PELI3: variants seen among roughly 807,000 people sequenced by gnomAD.
The protein encoded by PELI3 is pellino E3 ubiquitin protein ligase family member 3, also known as E3 ubiquitin-protein ligase pellino homolog 3.
Under a neutral mutation model 35.5 loss-of-function variants are expected in PELI3, and 19 were observed. That is an observed-to-expected ratio of 0.54 (90% CI 0.37 to 0.79). PELI3 has a LOEUF of 0.79. PELI3 is among the 30% of genes least tolerant of loss of function. PELI3 has a pLI of 0.00. For missense variants in PELI3, 490 were observed against 661.2 expected (o/e 0.74, Z 2.84); for synonymous variants, 262 against 279.2 (o/e 0.94, Z 0.62).
chr11:66,473,208 T>C lies in PELI3; in HGVS notation c.457-33T>C. ...GGCCCATGAGAGTCCCCTATGTACATACAGTCCCTGCTTGCTCTCCCTGTC... is the reference window on the plus strand; with the variant it reads ...GGCCCATGAGAGTCCCCTATGTACACACAGTCCCTGCTTGCTCTCCCTGTC... On this transcript the variant is annotated intron_variant, in intron 5 of 7. Coordinates refer to ENST00000320740, the MANE Select transcript of PELI3 (RefSeq NM_145065.3). This position sits in a 1 kb window ranked among gnomAD's most constrained non-coding sequence, Gnocchi z 5.8. 6.4e-7 allele frequency: 1 copy of C among 1,573,720 alleles called. No individual in the cohort carries two copies. The highest frequency in any genetic ancestry group is 8.6e-7 in the Non-Finnish European group (1 of 1,156,326).
chr11:66,473,258 G>C lies in PELI3; in HGVS notation c.474G>C (p.Glu158Asp). Residue 158 changes from glutamate (E) to aspartate (D), a missense_variant, in exon 6 of 8, where the codon GAG (glutamate) becomes GAC (aspartate). Transcript: ENST00000320740. This position sits in a 1 kb window ranked among gnomAD's most constrained non-coding sequence, Gnocchi z 5.8. ...TDMFQIGRST[E>D]NMIDFVVTDT... ...CCTCACAGATTGGCCGCTCCACAGA[G>C]AACATGATTGACTTCGTGGTAACAG... 1 of 1,612,366 alleles carries C rather than the reference G, an allele frequency of 6.2e-7. No homozygotes were observed. The highest frequency in any genetic ancestry group is 8.5e-7 in the Non-Finnish European group (1 of 1,179,298).
In PELI3 at chr11:66,476,254, A is replaced by G. The variant is rs1232049714; in HGVS notation, c.*87A>G. 6.0e-6 allele frequency: 8 copies of G among 1,342,216 alleles called. No homozygotes were observed. Among genetic ancestry groups the G allele is most frequent in the Non-Finnish European group, 7.0e-6 (7 of 1,000,046 alleles). The allele number at this position is 1,342,216 out of a possible 1,614,324, so 83.1% of individuals were successfully genotyped here. Reference sequence around the variant, plus strand: ...CCAGAGGGAGCTCTGCATGTGGGACACTCCCTGCTGGCACAGCCACACCAG... The same window carrying G: ...CCAGAGGGAGCTCTGCATGTGGGACGCTCCCTGCTGGCACAGCCACACCAG... On this transcript the variant is annotated 3_prime_UTR_variant, in exon 8 of 8. Transcript: ENST00000320740.
At chr11:66,471,814 T>G (rs1854728724) in intron 4 of PELI3, among the ~76,000 whole-genome samples, 1 of 152,090 alleles carries the variant, frequency 6.6e-6, no homozygotes, top group Non-Finnish European at 1.5e-5. Context: ...TTAGGCCAGT[T>G]TCTCTCTGAC....
chr11:66,469,011 C>A, intron 3 of PELI3, 107 bp downstream of exon 3: 1 of 563,054 alleles, frequency 1.8e-6, no homozygotes, highest in South Asian at 2.0e-5. Flanking sequence ...AAAGCCAAGG[C>A]CAGGAGAGAG....
In PELI3 at chr11:66,473,577, G is replaced by T; in HGVS notation, c.651+142G>T. ...CAGTTAGCAACCCCACCTAACTGAT[G>T]AGCAAAGTGAGGCCCAGAGAGACGC... is the stretch of plus-strand genomic sequence containing the variant. On this transcript the variant is annotated intron_variant, in intron 6 of 7. Transcript: ENST00000320740. This position sits in a 1 kb window ranked among gnomAD's most constrained non-coding sequence, Gnocchi z 5.8. 7.7e-7 allele frequency: 1 copy of T among 1,305,692 alleles called. No individual in the cohort carries two copies. The highest frequency in any genetic ancestry group is 1.4e-5 in the South Asian group (1 of 70,458). 80.9% of individuals were successfully genotyped at this position (1,305,692 alleles called of 1,614,324 possible).
Position 66,468,272 on chromosome 11 carries a change from C to T in PELI3, c.144C>T (p.Ile48=). Residue 48 remains isoleucine (I), a synonymous_variant, in exon 2 of 8, where the codon ATC becomes ATT. Coordinates refer to ENST00000320740, the MANE Select transcript of PELI3 (RefSeq NM_145065.3). The part of the protein sequence containing the change: ...GEEPIKYGEL[I]VLGCCEEGGE... ...AGCCCATCAAGTATGGTGAACTCAT[C>T]GTCCTGGGGTGAGCATCCCTGGCCT... 3 of 1,511,298 alleles carry T rather than the reference C, an allele frequency of 2.0e-6. No homozygotes were observed. The highest frequency in any genetic ancestry group is 2.5e-5 in the East Asian group (1 of 39,386). The allele number at this position is 1,511,298 out of a possible 1,614,324, so 93.6% of individuals were successfully genotyped here.
Position 66,473,070 on chromosome 11 carries a change from A to C in PELI3, c.457-171A>C, listed in dbSNP as rs1590720272. On this transcript the variant is annotated intron_variant, in intron 5 of 7. Transcript: ENST00000320740. This position sits in a 1 kb window ranked among gnomAD's most constrained non-coding sequence, Gnocchi z 5.8. ...ACGGCTTCTTGGACTTGGAGACCCC[A>C]CCTGGGAGCCTAGAGGGCCTATGGA... Among the ~76,000 whole-genome samples the C allele has an allele frequency of 6.6e-6, 1 of 152,086 alleles. No individual in the cohort carries two copies. Among genetic ancestry groups the C allele is most frequent in the Non-Finnish European group, 1.5e-5 (1 of 67,974 alleles).
At position 66,476,277 on chromosome 11, in the gene PELI3, C is replaced by T; in HGVS notation, c.*110C>T. 4 of 1,193,940 alleles carry T rather than the reference C, an allele frequency of 3.4e-6. No individual in the cohort carries two copies. Among genetic ancestry groups the T allele is most frequent in the Non-Finnish European group, 3.4e-6 (3 of 873,250 alleles). The allele number at this position is 1,193,940 out of a possible 1,614,324, so 74.0% of individuals were successfully genotyped here. On this transcript the variant is annotated 3_prime_UTR_variant, in exon 8 of 8. Transcript: ENST00000320740. ...ACACTCCCTGCTGGCACAGCCACAC[C>T]AGATGGACATGTTGGATGGGCTGTG...
chr11:66,470,628 G>C (rs1306706922), intron 3 of PELI3, among the ~76,000 whole-genome samples: 1 of 152,228 alleles, frequency 6.6e-6, no homozygotes, highest in African/African-American at 2.4e-5. Flanking sequence ...CCAGACAAGA[G>C]CTGGAAAGGC....
Position 66,473,099 on chromosome 11 carries a change from G to T in PELI3, c.457-142G>T, listed in dbSNP as rs1854776685. On this transcript the variant is annotated intron_variant, in intron 5 of 7. Coordinates refer to ENST00000320740, the MANE Select transcript of PELI3 (RefSeq NM_145065.3). The surrounding 1 kb of genome is among the most constrained non-coding windows in gnomAD (Gnocchi z 5.8). Reference sequence around the variant, plus strand: ...GGGAGCCTAGAGGGCCTATGGAGTTGGTGCTGCCCCTTCTCCAGGGCCTGG... The same window carrying T: ...GGGAGCCTAGAGGGCCTATGGAGTTTGTGCTGCCCCTTCTCCAGGGCCTGG... The T allele has an allele frequency of 7.9e-6, 6 of 757,466 alleles. No individual in the cohort carries two copies. In the East Asian group the frequency reaches 1.4e-4, roughly 18 times the overall value. 46.9% of individuals were successfully genotyped at this position (757,466 alleles called of 1,614,324 possible).
intron 4 of PELI3, among the ~76,000 whole-genome samples, chr11:66,471,616 C>G (rs1171688696): frequency 2.0e-5 from 3 of 151,958 alleles, no homozygotes; most frequent in African/African-American, 7.2e-5. Context: ...TTGGCTGCCT[C>G]TAAGATGGTG....
chr11:66,476,983 A>G lies in PELI3; in HGVS notation c.*816A>G, dbSNP rs3179961. The G allele has an allele frequency of 0.24, 36,061 of 152,180 alleles. 4,544 individuals are homozygous for G. Among genetic ancestry groups the G allele is most frequent in the East Asian group, 0.26 (1,340 of 5,174 alleles). The allele number at this position is 152,180 out of a possible 1,614,324, so 9.4% of individuals were successfully genotyped here. On this transcript the variant is annotated 3_prime_UTR_variant, in exon 8 of 8. Coordinates refer to ENST00000320740, the MANE Select transcript of PELI3 (RefSeq NM_145065.3). ...CCTCCGAGTCCACAAGATGGGAAGC[A>G]AGTCCACAAGATGGGAAGCGTGCTC... is the stretch of plus-strand genomic sequence containing the variant.
chr11:66,474,043 G>T (rs1356354240), intron 7 of PELI3, 118 bp downstream of exon 7: 26 of 1,338,448 alleles, frequency 1.9e-5, no homozygotes, highest in Non-Finnish European at 2.5e-5. Context: ...GCCCCAACAG[G>T]CTCCATATCA....
chr11:66,471,117 CTTGT>C lies in PELI3; in HGVS notation c.225-122_225-119del, dbSNP rs1233219350. On this transcript the variant is annotated intron_variant, in intron 3 of 7. Coordinates refer to ENST00000320740, the MANE Select transcript of PELI3 (RefSeq NM_145065.3). ...CTTCTAGTTTCAGGTGCTTGTAGAGCTTGTTTATTAAGGTAGGATCTGCCTAGAA... is the reference window on the plus strand; with the variant it reads ...CTTCTAGTTTCAGGTGCTTGTAGAGCTTATTAAGGTAGGATCTGCCTAGAA... 3 of 1,276,882 alleles carry C rather than the reference CTTGT, an allele frequency of 2.3e-6. No individual in the cohort carries two copies. In the East Asian group the frequency reaches 7.1e-5, roughly 30 times the overall value. The allele number at this position is 1,276,882 out of a possible 1,614,324, so 79.1% of individuals were successfully genotyped here.
Position 66,476,466 on chromosome 11 carries a change from G to T in PELI3, c.*299G>T. On this transcript the variant is annotated 3_prime_UTR_variant, in exon 8 of 8. Coordinates refer to ENST00000320740, the MANE Select transcript of PELI3 (RefSeq NM_145065.3). ...TCCCACATCGTGCCGCCGACACTGTGTGCCCCTGGGGGAGTGAAGGGGCCA... is the reference window on the plus strand; with the variant it reads ...TCCCACATCGTGCCGCCGACACTGTTTGCCCCTGGGGGAGTGAAGGGGCCA... 2.3e-6 allele frequency: 1 copy of T among 443,916 alleles called. No homozygotes were observed. 27.5% of individuals were successfully genotyped at this position (443,916 alleles called of 1,614,324 possible). A position where few individuals can be genotyped will look rare whatever the true frequency, so the allele number is the denominator to read the frequency against.
chr11:66,472,605 T>G (rs1854763434), intron 5 of PELI3, 135 bp downstream of exon 5: 2 of 688,998 alleles, frequency 2.9e-6, no homozygotes, highest in Admixed American at 5.0e-5. Context: ...TGTCCCGGTG[T>G]GGGCTGTTGA....
Position 66,468,295 on chromosome 11 carries a change from C to A in PELI3, c.152+15C>A. On this transcript the variant is annotated intron_variant, in intron 2 of 7. Transcript: ENST00000320740. ...ATCGTCCTGGGGTGAGCATCCCTGG[C>A]CTAGAAGGGGTGAAGCACCAGACAC... 1 of 1,457,202 alleles carries A rather than the reference C, an allele frequency of 6.9e-7. No individual in the cohort carries two copies. Among genetic ancestry groups the A allele is most frequent in the Non-Finnish European group, 9.1e-7 (1 of 1,097,100 alleles). 90.3% of individuals were successfully genotyped at this position (1,457,202 alleles called of 1,614,324 possible). A position where few individuals can be genotyped will look rare whatever the true frequency, so the allele number is the denominator to read the frequency against.
At position 66,473,840 on chromosome 11, in the gene PELI3, C is replaced by T. The variant is rs768111233; in HGVS notation, c.755C>T (p.Ala252Val). Residue 252 changes from alanine to valine, a missense_variant, in exon 7 of 8, where the codon GCC (alanine) becomes GTC (valine). Ala to Val is a moderately conservative substitution (Grantham distance 64). Around this residue, in one of 3 missense-constraint regions of PELI3, gnomAD observed 349 missense variants for 484.8 expected, o/e 0.72. Transcript: ENST00000320740. This position sits in a 1 kb window ranked among gnomAD's most constrained non-coding sequence, Gnocchi z 5.8. ...HPAGGFSEDS[A>V]PGVWREISVC... Reference sequence around the variant, plus strand: ...GCAGGCGGCTTCTCCGAGGACTCAGCCCCGGGTGTCTGGCGGGAGATCTCG... The same window carrying T: ...GCAGGCGGCTTCTCCGAGGACTCAGTCCCGGGTGTCTGGCGGGAGATCTCG... 2 of 1,613,744 alleles carry T rather than the reference C, an allele frequency of 1.2e-6. No individual in the cohort carries two copies. Among genetic ancestry groups the T allele is most frequent in the Non-Finnish European group, 1.7e-6 (2 of 1,180,016 alleles).
In PELI3 at chr11:66,475,628, G is replaced by A. The variant is rs1290656588; in HGVS notation, c.871G>A (p.Gly291Ser). ...AAACGAGTCCAACGTGCTGCAGGAC[G>A]GCTCTCTCATCGACCTGTGTGGGGC... ...VENESNVLQD[G>S]SLIDLCGATL... Residue 291 changes from glycine (G) to serine (S), a missense_variant, in exon 8 of 8, where the codon GGC (glycine) becomes AGC (serine). Physicochemically the swap from Gly to Ser is moderately conservative, Grantham distance 56 (BLOSUM62 0). Transcript: ENST00000320740. The A allele has an allele frequency of 1.9e-6, 3 of 1,612,612 alleles. No individual in the cohort carries two copies. The highest frequency in any genetic ancestry group is 2.2e-5 in the South Asian group (2 of 91,074).
Sources: allele counts gnomAD v4.1 joint callset (sites outside exome capture counted in the v4.1 genomes callset), GRCh38; gene constraint gnomAD v4.1.1; regional missense constraint gnomAD v4.1.1; non-coding constraint Gnocchi (gnomAD v3.1); transcripts MANE v1.5; gene names NCBI Gene and HGNC (gene_info 2026-07-23, HGNC 2026-07-21).